The following COL11A1 variants were observed in gnomAD, a reference collection of about 807,000 sequenced individuals.
COL11A1 encodes collagen alpha-1(XI) chain.
Under a neutral mutation model 265.2 loss-of-function variants are expected in COL11A1, and 74 were observed. That is an observed-to-expected ratio of 0.28 (90% CI 0.23 to 0.34). The LOEUF is 0.34. Ranked by LOEUF, COL11A1 falls within the 10% of genes least tolerant of loss-of-function variation. COL11A1 has a pLI of 1.00. For missense variants in COL11A1, 2,165 were observed against 2,263.6 expected (o/e 0.96, Z 0.88); for synonymous variants, 816 against 727.6 (o/e 1.12, Z -1.96).
chr1:103,036,069 T>C (rs1286667669), intron 4 of COL11A1, among the ~76,000 whole-genome samples: 1 of 151,590 alleles, frequency 6.6e-6, no homozygotes, highest in Non-Finnish European at 1.5e-5. Context: ...ATTGAGTACA[T>C]GACAATATGA....
At chr1:103,027,237 G>T (rs2101971356) in intron 5 of COL11A1, among the ~76,000 whole-genome samples, 1 of 150,428 alleles carries the variant, frequency 6.6e-6, no homozygotes, top group East Asian at 1.9e-4. Flanking sequence ...AAAATAGTGT[G>T]CTCAAATCCA....
At chr1:102,907,494 A>G (rs1654129697) in intron 54 of COL11A1, among the ~76,000 whole-genome samples, 1 of 152,042 alleles carries the variant, frequency 6.6e-6, no homozygotes, top group Non-Finnish European at 1.5e-5. Flanking sequence ...TAACAATTGC[A>G]ACCCACTTTT....
At chr1:103,091,193 A>C (rs1434161357) in intron 1 of COL11A1, among the ~76,000 whole-genome samples, 1 of 152,126 alleles carries the variant, frequency 6.6e-6, no homozygotes, top group Non-Finnish European at 1.5e-5. Flanking sequence ...TATTTATTAA[A>C]GATTTAAAAA....
intron 36 of COL11A1, among the ~76,000 whole-genome samples, chr1:102,970,494 A>G (rs528397106): frequency 6.6e-6 from 1 of 152,254 alleles, no homozygotes; most frequent in South Asian, 2.1e-4. Context: ...TCTTTTCTGA[A>G]TATTTTACAT....
intron 15 of COL11A1, among the ~76,000 whole-genome samples, chr1:103,007,179 T>C (rs1316567315): frequency 6.6e-6 from 1 of 152,198 alleles, no homozygotes; most frequent in African/African-American, 2.4e-5. Flanking sequence ...ACATCTCTTT[T>C]AATTAGCTAC....
intron 1 of COL11A1, among the ~76,000 whole-genome samples, chr1:103,106,556 G>A (rs989496282): frequency 3.2e-4 from 48 of 152,000 alleles, no homozygotes; most frequent in Admixed American, 1.6e-3. Flanking sequence ...CCGGTGACCA[G>A]GTACCAAAAG....
At chr1:103,022,004 A>G (rs956424920) in intron 8 of COL11A1, among the ~76,000 whole-genome samples, 6 of 117,720 alleles carry the variant, frequency 5.1e-5, no homozygotes, top group Admixed American at 9.7e-5. Flanking sequence ...CCGCCACCAC[A>G]CCTAGCTAAT....
chr1:102,919,654 T>C (rs1655750907), intron 49 of COL11A1, among the ~76,000 whole-genome samples: 1 of 151,870 alleles, frequency 6.6e-6, no homozygotes, highest in Admixed American at 6.6e-5. Flanking sequence ...TGAGCATGAA[T>C]GCATAAATAA....
intron 1 of COL11A1, among the ~76,000 whole-genome samples, chr1:103,093,094 T>A (rs190991823): frequency 1.3e-5 from 2 of 152,192 alleles, no homozygotes; most frequent in Admixed American, 1.3e-4. Flanking sequence ...TTTTTTAAAA[T>A]CTTATATTGA....
At chr1:103,107,998 T>C in intron 1 of COL11A1, 75 bp downstream of exon 1, 1 of 1,026,954 alleles carries the variant, frequency 9.7e-7, no homozygotes, top group Non-Finnish European at 1.5e-6. Context: ...GGAGGAAGGG[T>C]AAAGTGGGGG....
At chr1:102,933,738 C>T (rs111230716) in intron 46 of COL11A1, among the ~76,000 whole-genome samples, 4,836 of 152,166 alleles carry the variant, frequency 0.032, 104 homozygotes, top group Middle Eastern at 0.085. Context: ...TAGCAATCAG[C>T]GAGACTCCGT....
intron 3 of COL11A1, among the ~76,000 whole-genome samples, chr1:103,075,684 TTTA>T (rs1401129390): frequency 9.9e-5 from 15 of 151,442 alleles, no homozygotes; most frequent in African/African-American, 3.6e-4. Flanking sequence ...TGGTTTATAT[TTTA>T]TTTTTTTTCC....
chr1:103,034,839 TC>T (rs910534783), intron 4 of COL11A1, among the ~76,000 whole-genome samples: 31 of 152,108 alleles, frequency 2.0e-4, no homozygotes, highest in Non-Finnish European at 1.5e-4. Context: ...TCAGATACTA[TC>T]CTCCCCTTCC....
chr1:102,946,339 C>A (rs200588804), intron 42 of COL11A1, among the ~76,000 whole-genome samples: 13 of 129,516 alleles, frequency 1.0e-4, no homozygotes, highest in East Asian at 7.1e-4. Flanking sequence ...AACCCCCCCC[C>A]AAAAAATGTT....
At position 102,886,860 on chromosome 1, in the gene COL11A1, T is replaced by C. The variant is rs75495145; in HGVS notation, c.4805A>G (p.Asn1602Ser). The C allele has an allele frequency of 1.3e-5, 21 of 1,613,948 alleles. No homozygotes were observed. Among genetic ancestry groups the C allele is most frequent in the East Asian group, 1.1e-4 (5 of 44,864 alleles). Residue 1602 changes from asparagine (N) to serine (S), a missense_variant, in exon 63 of 67, where the codon AAT becomes AGT. Transcript: ENST00000370096. Reference protein sequence around the residue: ...HMKFPMGTQTNPARTCKDLQL... With the variant: ...HMKFPMGTQTSPARTCKDLQL... ...CAGGTCTTTACAAGTTCGGGCTGGATTGGTCTGAGTACCCATTGGAAATTT... is the reference window on the plus strand; with the variant it reads ...CAGGTCTTTACAAGTTCGGGCTGGACTGGTCTGAGTACCCATTGGAAATTT...
At chr1:102,898,059 C>A in intron 57 of COL11A1, 66 bp downstream of exon 57, 1 of 992,224 alleles carries the variant, frequency 1.0e-6, no homozygotes, top group Admixed American at 2.2e-5. Context: ...GTCAAAAATT[C>A]TAGCTAATAA....
intron 46 of COL11A1, among the ~76,000 whole-genome samples, chr1:102,927,396 T>C (rs1000748930): frequency 8.6e-5 from 13 of 151,962 alleles, no homozygotes; most frequent in Non-Finnish European, 4.4e-5. Context: ...TAGGAAGCAG[T>C]GAACATCAAG....
chr1:103,024,524 T>G (rs35659176), intron 7 of COL11A1, among the ~76,000 whole-genome samples: 12,035 of 152,216 alleles, frequency 0.079, 533 homozygotes, highest in Middle Eastern at 0.14. Flanking sequence ...ATTTTTTTTG[T>G]ATTCTTAGAT....
At chr1:103,002,012 C>T in intron 23 of COL11A1, 43 bp from the exon 24 acceptor site, 3 of 1,523,596 alleles carry the variant, frequency 2.0e-6, no homozygotes, top group Non-Finnish European at 2.7e-6. Context: ...TATCAAATCA[C>T]AGTAATATGC....
Sources: allele counts gnomAD v4.1 joint callset (sites outside exome capture counted in the v4.1 genomes callset), GRCh38; gene constraint gnomAD v4.1.1; transcripts MANE v1.5; gene names NCBI Gene and HGNC (gene_info 2026-07-23, HGNC 2026-07-21).